EDARADD: variants seen among roughly 807,000 people sequenced by gnomAD.
The protein encoded by EDARADD is ectodysplasin-A receptor-associated adapter protein.
EDARADD carries 20 observed loss-of-function variants against 25.6 expected under a neutral mutation model. The ratio of observed to expected loss-of-function variants is 0.78; its 90% confidence interval spans 0.55 to 1.14. The LOEUF is 1.14. EDARADD is among the 50% of genes most tolerant of loss of function. The pLI, the probability that EDARADD is intolerant of heterozygous loss-of-function variation, is 0.00. For synonymous variants in EDARADD, 86 were observed against 94.4 expected, an observed-to-expected ratio of 0.91 and a Z score of 0.52; for missense variants, 225 against 270.1, an observed-to-expected ratio of 0.83 and a Z score of 1.17.
intron 4 of EDARADD, among the ~76,000 whole-genome samples, chr1:236,428,335 A>G (rs138586877): frequency 0.45 from 68,335 of 152,100 alleles, 17,656 homozygotes; most frequent in Non-Finnish European, 0.59. Flanking sequence ...AATTTTTCTT[A>G]GTACAGAACA....
chr1:236,435,431 C>A (rs1658224403), intron 4 of EDARADD, among the ~76,000 whole-genome samples: 1 of 152,174 alleles, frequency 6.6e-6, no homozygotes, highest in South Asian at 2.1e-4. Flanking sequence ...ATCTTCAATG[C>A]CTACTACATA....
At chr1:236,455,503 G>A (rs909367885) in intron 4 of EDARADD, among the ~76,000 whole-genome samples, 2 of 152,188 alleles carry the variant, frequency 1.3e-5, no homozygotes, top group Admixed American at 6.5e-5. Context: ...AAATCAGATC[G>A]TTCTGGTTTG....
At chr1:236,404,776 C>T (rs928806874) in intron 1 of EDARADD, among the ~76,000 whole-genome samples, 9 of 151,952 alleles carry the variant, frequency 5.9e-5, no homozygotes, top group African/African-American at 2.2e-4. Flanking sequence ...GCACTCCAGC[C>T]TGGGTGACAC....
At position 236,484,708 on chromosome 1, in the gene EDARADD, G is replaced by T; in HGVS notation, c.*2059G>T. 1 of 148,424 alleles carries T rather than the reference G, an allele frequency of 6.7e-6. No individual in the cohort carries two copies. Among genetic ancestry groups the T allele is most frequent in the Non-Finnish European group, 1.3e-5 (1 of 75,808 alleles). The allele number at this position is 148,424 out of a possible 1,614,324, so 9.2% of individuals were successfully genotyped here. A position where few individuals can be genotyped will look rare whatever the true frequency, so the allele number is the denominator to read the frequency against. On this transcript the variant is annotated 3_prime_UTR_variant, in exon 6 of 6. Coordinates refer to ENST00000334232, the MANE Select transcript of EDARADD (RefSeq NM_145861.4). The surrounding 1 kb of genome is among the most constrained non-coding windows in gnomAD (Gnocchi z 4.1). ...GGAGACAGAGTGAGAGTCCGTCCCA[G>T]AAAAAAAAAAAAAAAAAAAGAACTT...
intron 3 of EDARADD, among the ~76,000 whole-genome samples, chr1:236,356,614 T>C (rs1181201120): frequency 1.3e-5 from 2 of 152,106 alleles, no homozygotes; most frequent in African/African-American, 2.4e-5. Context: ...GGTAAAATGG[T>C]AAAATTGATA....
chr1:236,441,678 G>A (rs1658407496), intron 4 of EDARADD, among the ~76,000 whole-genome samples: 2 of 145,860 alleles, frequency 1.4e-5, no homozygotes, highest in African/African-American at 2.5e-5. Context: ...CACCCCTCCC[G>A]CCCACCACAC....
At chr1:236,362,760 A>G (rs1667064361) in intron 3 of EDARADD, among the ~76,000 whole-genome samples, 1 of 151,588 alleles carries the variant, frequency 6.6e-6, no homozygotes, top group African/African-American at 2.4e-5. Flanking sequence ...ATTCCTAATC[A>G]ATATCCAGTT....
chr1:236,416,330 A>G (rs1265835109), intron 3 of EDARADD, among the ~76,000 whole-genome samples: 1 of 152,220 alleles, frequency 6.6e-6, no homozygotes, highest in Non-Finnish European at 1.5e-5. Context: ...CTTAAAATCA[A>G]GCCTTCAGTC....
chr1:236,397,940 A>G (rs1483119618), intron 1 of EDARADD, among the ~76,000 whole-genome samples: 2 of 152,154 alleles, frequency 1.3e-5, no homozygotes, highest in African/African-American at 4.8e-5. Context: ...ATGAAACCAT[A>G]GATGGTGCCC....
chr1:236,399,156 GTATAT>G (rs1353022439), intron 1 of EDARADD, among the ~76,000 whole-genome samples: 2 of 152,052 alleles, frequency 1.3e-5, no homozygotes, highest in Non-Finnish European at 2.9e-5. Context: ...TATGATTATA[GTATAT>G]TATGAGTTAA....
At chr1:236,475,625 G>A (rs1659480622) in intron 5 of EDARADD, among the ~76,000 whole-genome samples, 1 of 151,910 alleles carries the variant, frequency 6.6e-6, no homozygotes, top group Non-Finnish European at 1.5e-5. Flanking sequence ...TTAGCTGGCA[G>A]TAGTGGCAGG....
At chr1:236,409,583 A>G (rs996554659) in intron 2 of EDARADD, among the ~76,000 whole-genome samples, 25 of 151,752 alleles carry the variant, frequency 1.6e-4, no homozygotes, top group African/African-American at 6.0e-4. Flanking sequence ...TTTTTTTTAG[A>G]CGGAGTCTTG....
At chr1:236,434,609 ATTC>A (rs1356700003) in intron 4 of EDARADD, among the ~76,000 whole-genome samples, 3 of 152,204 alleles carry the variant, frequency 2.0e-5, no homozygotes, top group Non-Finnish European at 2.9e-5. Flanking sequence ...GCCCAAGACA[ATTC>A]TTCTTCTTCC....
At chr1:236,426,114 T>C (rs1173650336) in intron 3 of EDARADD, among the ~76,000 whole-genome samples, 1 of 152,128 alleles carries the variant, frequency 6.6e-6, no homozygotes, top group Non-Finnish European at 1.5e-5. Flanking sequence ...CCCAAGTAGC[T>C]GGGACTACAG....
At chr1:236,411,231 T>C (rs550106044) in intron 2 of EDARADD, among the ~76,000 whole-genome samples, 91 of 152,308 alleles carry the variant, frequency 6.0e-4, no homozygotes, top group African/African-American at 2.0e-3. Flanking sequence ...CTTAGGGCTG[T>C]CGCAACAGAA....
At chr1:236,476,697 G>A (rs890118827) in intron 5 of EDARADD, among the ~76,000 whole-genome samples, 1 of 152,012 alleles carries the variant, frequency 6.6e-6, no homozygotes, top group Non-Finnish European at 1.5e-5. Context: ...GGCTAATTTT[G>A]TATTTTTGGC....
At chr1:236,426,243 G>C (rs987167933) in intron 3 of EDARADD, among the ~76,000 whole-genome samples, 5 of 152,152 alleles carry the variant, frequency 3.3e-5, no homozygotes, top group African/African-American at 1.2e-4. Context: ...CTCCTGAATA[G>C]CTGTCATTAC....
chr1:236,372,616 G>A (rs1218930243), intron 3 of EDARADD, among the ~76,000 whole-genome samples: 6 of 152,134 alleles, frequency 3.9e-5, no homozygotes, highest in Non-Finnish European at 8.8e-5. Flanking sequence ...GCTATCTTCT[G>A]GAAGAGAGAA....
At chr1:236,360,074 G>C (rs1667028065) in intron 3 of EDARADD, among the ~76,000 whole-genome samples, 1 of 152,104 alleles carries the variant, frequency 6.6e-6, no homozygotes, top group South Asian at 2.1e-4. Context: ...CACCACTTTG[G>C]GAGGCTGAGG....
Sources: allele counts gnomAD v4.1 joint callset (sites outside exome capture counted in the v4.1 genomes callset), GRCh38; gene constraint gnomAD v4.1.1; non-coding constraint Gnocchi (gnomAD v3.1); transcripts MANE v1.5; gene names NCBI Gene and HGNC (gene_info 2026-07-23, HGNC 2026-07-21).